The following COL25A1 variants were observed in gnomAD, a reference collection of about 807,000 sequenced individuals.
COL25A1 encodes the protein collagen alpha-1(XXV) chain.
COL25A1 carries 103 observed loss-of-function variants against 128.4 expected under a neutral mutation model. The ratio of observed to expected loss-of-function variants is 0.80; its 90% confidence interval spans 0.68 to 0.94. The LOEUF (loss-of-function observed/expected upper bound fraction) is 0.94, where lower values mean the gene tolerates loss of function less well. Among genes scored for constraint, COL25A1 ranks in the 40% least tolerant of loss-of-function variants. COL25A1 has a pLI of 0.00. For synonymous variants in COL25A1, 279 were observed against 277.2 expected (o/e 1.01, Z -0.06); for missense variants, 745 against 840.0 (o/e 0.89, Z 1.40).
intron 3 of COL25A1, among the ~76,000 whole-genome samples, chr4:109,194,627 C>T (rs1208248357): frequency 6.6e-6 from 1 of 152,090 alleles, no homozygotes; most frequent in Non-Finnish European, 1.5e-5. Flanking sequence ...TTGTAAACTG[C>T]TTCTTTGATT....
At chr4:108,902,683 T>C (rs993122607) in intron 13 of COL25A1, among the ~76,000 whole-genome samples, 3 of 151,950 alleles carry the variant, frequency 2.0e-5, no homozygotes, top group South Asian at 2.1e-4. Context: ...ATTATTAAAA[T>C]TGCTAAAGTC....
chr4:108,920,507 T>G, intron 12 of COL25A1, 71 bp downstream of exon 12: 1 of 1,200,870 alleles, frequency 8.3e-7, no homozygotes, highest in Non-Finnish European at 1.2e-6. Flanking sequence ...GCTAATTTCA[T>G]TCACCTCTCC....
chr4:108,950,999 T>C (rs1431476565), intron 8 of COL25A1, among the ~76,000 whole-genome samples: 1 of 152,198 alleles, frequency 6.6e-6, no homozygotes, highest in African/African-American at 2.4e-5. Flanking sequence ...ATTAGGACCC[T>C]GGCATTGCAG....
chr4:109,218,366 T>TG (rs1560887241), intron 3 of COL25A1, among the ~76,000 whole-genome samples: 10 of 134,086 alleles, frequency 7.5e-5, no homozygotes, highest in Admixed American at 1.5e-4. Flanking sequence ...GGTTTTTTTT[T>TG]TTTTTTTTTT....
intron 19 of COL25A1, among the ~76,000 whole-genome samples, chr4:108,876,691 A>G (rs536320594): frequency 6.6e-6 from 1 of 152,206 alleles, no homozygotes; most frequent in Non-Finnish European, 1.5e-5. Flanking sequence ...GCCACATGCT[A>G]ACCAGTGACT....
At chr4:109,044,455 T>A (rs888070116) in intron 5 of COL25A1, among the ~76,000 whole-genome samples, 5 of 152,068 alleles carry the variant, frequency 3.3e-5, no homozygotes, top group African/African-American at 1.2e-4. Context: ...GGCCATCTAA[T>A]TTTTTATTAG....
chr4:108,942,299 C>T lies in COL25A1; in HGVS notation c.493-862G>A, dbSNP rs377361231. The T allele has an allele frequency of 9.3e-5, 144 of 1,542,562 alleles. 1 individual carries two copies. The African/African-American group carries it at 1.4e-3, about 15-fold the overall frequency. ...GACATAGCACAGCACCAAAACAACA[C>T]GACATAAAACGTCACACAGACATTT... On this transcript the variant is annotated intron_variant, in intron 8 of 37. Coordinates refer to ENST00000399132, the MANE Select transcript of COL25A1 (RefSeq NM_198721.4).
At chr4:109,256,725 A>G (rs1238753111) in intron 3 of COL25A1, among the ~76,000 whole-genome samples, 2 of 152,180 alleles carry the variant, frequency 1.3e-5, no homozygotes, top group Non-Finnish European at 2.9e-5. Flanking sequence ...CACTGTCATT[A>G]TAGGCGTCTT....
chr4:109,109,819 T>C (rs1766826811), intron 3 of COL25A1, among the ~76,000 whole-genome samples: 1 of 152,160 alleles, frequency 6.6e-6, no homozygotes, highest in African/African-American at 2.4e-5. Flanking sequence ...GTGTTGAAGA[T>C]GTATTAGACA....
chr4:109,118,022 A>G (rs1398743931), intron 3 of COL25A1, among the ~76,000 whole-genome samples: 1 of 152,000 alleles, frequency 6.6e-6, no homozygotes, highest in Non-Finnish European at 1.5e-5. Context: ...AATATAAAAT[A>G]GAAACAAAAG....
At chr4:109,128,981 G>A (rs764098991) in intron 3 of COL25A1, among the ~76,000 whole-genome samples, 2 of 152,128 alleles carry the variant, frequency 1.3e-5, no homozygotes, top group African/African-American at 2.4e-5. Flanking sequence ...ACACAGATTC[G>A]CAGGCTGGAA....
At chr4:108,835,709 C>T (rs1041263386) in intron 31 of COL25A1, among the ~76,000 whole-genome samples, 1 of 151,624 alleles carries the variant, frequency 6.6e-6, no homozygotes, top group Non-Finnish European at 1.5e-5. Flanking sequence ...CATGCGCCAT[C>T]GCACCCGGCT....
chr4:109,022,029 A>G (rs1724447), intron 5 of COL25A1, among the ~76,000 whole-genome samples: 77,270 of 152,054 alleles, frequency 0.51, 22,344 homozygotes, highest in African/African-American at 0.78. Context: ...TTCCTCAGAA[A>G]CATGTGATCT....
At chr4:109,102,860 T>C (rs1766036640) in intron 3 of COL25A1, among the ~76,000 whole-genome samples, 2 of 152,178 alleles carry the variant, frequency 1.3e-5, no homozygotes, top group Admixed American at 1.3e-4. Flanking sequence ...CAGCAAACAG[T>C]TGCTCTTTAT....
chr4:108,913,510 G>A (rs778718579), intron 13 of COL25A1, among the ~76,000 whole-genome samples: 6 of 151,798 alleles, frequency 4.0e-5, no homozygotes, highest in Admixed American at 2.0e-4. Context: ...CACCCACCTC[G>A]GCCTCCCAAA....
chr4:108,920,931 G>T, intron 11 of COL25A1: 1 of 207,634 alleles, frequency 4.8e-6, no homozygotes, highest in East Asian at 1.0e-4. Flanking sequence ...GAAGGCTGAA[G>T]ATATAGTCCC....
At chr4:108,847,388 T>C (rs1735239717) in intron 27 of COL25A1, among the ~76,000 whole-genome samples, 1 of 151,936 alleles carries the variant, frequency 6.6e-6, no homozygotes, top group South Asian at 2.1e-4. Context: ...TGGAGAAAAA[T>C]TATTTATGGA....
intron 6 of COL25A1, among the ~76,000 whole-genome samples, chr4:108,980,546 G>A (rs1752875341): frequency 6.6e-6 from 1 of 152,132 alleles, no homozygotes; most frequent in South Asian, 2.1e-4. Flanking sequence ...CCACAGTGTT[G>A]GCAGCGTCGG....
chr4:109,063,418 G>A lies in COL25A1; in HGVS notation c.368-13239C>T, dbSNP rs777853049. Among the ~76,000 whole-genome samples, 4 of 151,214 alleles carry A rather than the reference G, an allele frequency of 2.6e-5. 1 individual carries two copies. The highest frequency in any genetic ancestry group is 7.3e-5 in the African/African-American group (3 of 41,070). On this transcript the variant is annotated intron_variant, in intron 3 of 37. Transcript: ENST00000399132. Reference sequence around the variant, plus strand: ...CTCAGGAGGCTGAGGCAGGAGAATCGCTTGAACCCGGAAGGCAGAAGTTGC... The same window carrying A: ...CTCAGGAGGCTGAGGCAGGAGAATCACTTGAACCCGGAAGGCAGAAGTTGC...
Sources: gnomAD v4.1 joint callset for allele counts (sites outside exome capture counted in the v4.1 genomes callset) on GRCh38, gnomAD v4.1.1 for gene constraint, MANE v1.5 for transcripts, NCBI Gene and HGNC (gene_info 2026-07-23, HGNC 2026-07-21) for gene names.